SYNC: variants seen among roughly 807,000 people sequenced by gnomAD.
The protein encoded by SYNC is syncoilin, intermediate filament protein.
In SYNC, 38 loss-of-function variants were observed where a neutral mutation model predicts 49.5. That is an observed-to-expected ratio of 0.77 (90% confidence interval 0.59 to 1.01). The LOEUF is 1.01. Among genes scored for constraint, SYNC ranks in the 50% least tolerant of loss-of-function variants. SYNC has a pLI of 0.00. For synonymous variants in SYNC, 201 were observed against 230.8 expected (o/e 0.87, Z 1.17); for missense variants, 579 against 580.6 (o/e 1.00, Z 0.03).
rs146923439 is a variant in SYNC, at chr1:32,694,928, C to T, written c.1170G>A (p.Arg390=). The T allele has an allele frequency of 3.5e-4, 563 of 1,613,628 alleles. 2 individuals are homozygous for T. Among genetic ancestry groups the T allele is most frequent in the Non-Finnish European group, 4.6e-4 (547 of 1,179,938 alleles). The stretch of plus-strand genomic sequence containing the variant: ...CAAGTGCGATCTGGTCCTCCAGGTT[C>T]CTGTTTTGCAGGCGGAGCTGCCGGG... ...AEARQLRLQN[R]NLEDQIALVR... is the part of the protein sequence containing the mutation. The change falls in exon 2 of 5, where the codon AGG becomes AGA. Residue 390 remains arginine, a synonymous_variant. Transcript: ENST00000409190.
chr1:32,681,516 C>A lies in SYNC; in HGVS notation c.*334G>T. The A allele has an allele frequency of 2.9e-6, 1 of 345,046 alleles. No homozygotes were observed. The allele number at this position is 345,046 out of a possible 1,614,324, so 21.4% of individuals were successfully genotyped here. A position where few individuals can be genotyped will look rare whatever the true frequency, so the allele number is the denominator to read the frequency against. ...GCAAGATACATTCTTTAAAATACTC[C>A]CAGATGTGTCCATACATTCATCCTT... is the stretch of plus-strand genomic sequence containing the variant. On this transcript the variant is annotated 3_prime_UTR_variant, in exon 5 of 5. Coordinates refer to ENST00000409190, the MANE Select transcript of SYNC (RefSeq NM_030786.3).
chr1:32,697,666 G>A (rs1374516935), intron 1 of SYNC, among the ~76,000 whole-genome samples: 1 of 151,662 alleles, frequency 6.6e-6, no homozygotes, highest in Admixed American at 6.6e-5. Flanking sequence ...GAGCCTGGGA[G>A]GTCGAGGCTG....
chr1:32,696,179 G>C (rs2148560850), intron 1 of SYNC, 135 bp from the exon 2 acceptor site: 1 of 683,702 alleles, frequency 1.5e-6, no homozygotes, highest in East Asian at 2.7e-5. Flanking sequence ...CCTCCACTCT[G>C]TCAATCCACC....
At chr1:32,696,320 AT>A (rs564326114) in intron 1 of SYNC, among the ~76,000 whole-genome samples, 282 of 146,858 alleles carry the variant, frequency 1.9e-3, no homozygotes, top group African/African-American at 6.0e-3. Context: ...AATTATAATA[AT>A]TTTTTTTTTT....
rs1191815629 is a variant in SYNC at position 32,695,014 on chromosome 1, G to A, written c.1084C>T (p.Gln362Ter). 6.2e-7 allele frequency: 1 copy of A among 1,614,026 alleles called. No homozygotes were observed. Among genetic ancestry groups the A allele is most frequent in the East Asian group, 2.2e-5 (1 of 44,856 alleles). The change falls in exon 2 of 5, where the codon CAG becomes TAG. Residue 362 changes from glutamine (Q) to a stop codon, truncating the protein, a stop_gained. Transcript: ENST00000409190. LOFTEE classifies it high-confidence loss of function. ...ERKEAGTKAL[Q>*]RTQAEIQEMK... is the part of the protein sequence containing the mutation. ...TCCTGGATCTCAGCCTGGGTTCTCTGCAGAGCTTTGGTCCCAGCTTCTTTC... is the reference window on the plus strand; with the variant it reads ...TCCTGGATCTCAGCCTGGGTTCTCTACAGAGCTTTGGTCCCAGCTTCTTTC...
rs372285843 is a variant in SYNC at position 32,680,357 on chromosome 1, GT to G, written c.*1492del. The G allele has an allele frequency of 0.2, 172,220 of 876,096 alleles. 36 individuals carry two copies. Among genetic ancestry groups the G allele is most frequent in the Non-Finnish European group, 0.21 (152,644 of 717,188 alleles). The allele number at this position is 876,096 out of a possible 1,614,324, so 54.3% of individuals were successfully genotyped here. A position where few individuals can be genotyped will look rare whatever the true frequency, so the allele number is the denominator to read the frequency against. ...AATGGTGTTTTTTTTTTTGTTGTTGGTTTTTTTTTTTTTTTTTTTAACTTGG... is the reference window on the plus strand; with the variant it reads ...AATGGTGTTTTTTTTTTTGTTGTTGGTTTTTTTTTTTTTTTTTTAACTTGG... On this transcript the variant is annotated 3_prime_UTR_variant, in exon 5 of 5. Coordinates refer to ENST00000409190, the MANE Select transcript of SYNC (RefSeq NM_030786.3).
In SYNC at chr1:32,695,568, C is replaced by A; in HGVS notation, c.530G>T (p.Gly177Val). 6.4e-7 allele frequency: 1 copy of A among 1,551,472 alleles called. No homozygotes were observed. The highest frequency in any genetic ancestry group is 1.2e-5 in the South Asian group (1 of 84,028). The change falls in exon 2 of 5, where the codon GGG becomes GTG. Residue 177 changes from glycine to valine, a missense_variant. Physicochemically the swap from Gly to Val is moderately radical, Grantham distance 109. Transcript: ENST00000409190. Reference sequence around the variant, plus strand: ...AGCTTGGACACACTGCTGGAAACGCCCCTCTAGCAATTCCAGGTCCTCTAT... The same window carrying A: ...AGCTTGGACACACTGCTGGAAACGCACCTCTAGCAATTCCAGGTCCTCTAT... ...LSIEDLELLE[G>V]RFQQCVQAVA... is the part of the protein sequence containing the mutation.
intron 1 of SYNC, among the ~76,000 whole-genome samples, chr1:32,699,646 G>A (rs150976053): frequency 3.2e-4 from 48 of 151,806 alleles, no homozygotes; most frequent in Admixed American, 7.2e-4. Flanking sequence ...AACACAGAGT[G>A]AACTATTGCT....
intron 1 of SYNC, among the ~76,000 whole-genome samples, chr1:32,699,153 C>T (rs201332170): frequency 2.1e-4 from 22 of 104,026 alleles, no homozygotes; most frequent in East Asian, 3.0e-4. Context: ...CTTTTCTTTT[C>T]TTTTTTTTTT....
At chr1:32,700,630 G>T (rs1425652110) in intron 1 of SYNC, among the ~76,000 whole-genome samples, 1 of 152,186 alleles carries the variant, frequency 6.6e-6, no homozygotes, top group African/African-American at 2.4e-5. Context: ...CTGGGAGACA[G>T]AGGTTGCAGT....
rs775118910 is a variant in SYNC at position 32,684,421 on chromosome 1, CAA to C, written c.1234-41_1234-40del. 3.1e-6 allele frequency: 5 copies of C among 1,612,894 alleles called. No individual in the cohort carries two copies. The African/African-American group carries it at 6.7e-5, about 22-fold the overall frequency. The stretch of plus-strand genomic sequence containing the variant: ...CCAAGAACATTTCTAATGAGCCAAA[CAA>C]TAAAAACTCACATTGTCCACTCTTA... On this transcript the variant is annotated intron_variant, in intron 2 of 4. Coordinates refer to ENST00000409190, the MANE Select transcript of SYNC (RefSeq NM_030786.3).
chr1:32,696,378 G>A (rs1650428630), intron 1 of SYNC, among the ~76,000 whole-genome samples: 1 of 151,824 alleles, frequency 6.6e-6, no homozygotes, highest in Non-Finnish European at 1.5e-5. Context: ...GCAATAGCGT[G>A]ATGTCGGCTC....
In SYNC at chr1:32,695,505, T is replaced by A. The variant is rs554437078; in HGVS notation, c.593A>T (p.His198Leu). The A allele has an allele frequency of 1.3e-6, 2 of 1,551,474 alleles. No homozygotes were observed. The highest frequency in any genetic ancestry group is 1.7e-6 in the Non-Finnish European group (2 of 1,146,958). ...TGGTTCCCGGAGCAATACAAGCTCA[T>A]GGATGAGCTGATCCCTCTCCTCTTC... ...QLEEERDQLIHELVLLREPAL... is the reference protein window; with the variant it reads ...QLEEERDQLILELVLLREPAL... The change falls in exon 2 of 5, where the codon CAT (histidine) becomes CTT (leucine). Residue 198 changes from histidine (H) to leucine (L), a missense_variant. By Grantham distance (99) the His-to-Leu change is moderately conservative. Transcript: ENST00000409190.
At position 32,695,476 on chromosome 1, in the gene SYNC, G is replaced by C; in HGVS notation, c.622C>G (p.Leu208Val). 9 of 1,551,528 alleles carry C rather than the reference G, an allele frequency of 5.8e-6. No individual in the cohort carries two copies. The highest frequency in any genetic ancestry group is 7.0e-6 in the Non-Finnish European group (8 of 1,147,002). ...TGATGGACTTGCTGTACCTCCTGCA[G>C]GGCTGGTTCCCGGAGCAATACAAGC... ...HELVLLREPA[L>V]QEVQQVHQDI... is the part of the protein sequence containing the mutation. The change falls in exon 2 of 5, where the codon CTG becomes GTG. Residue 208 changes from leucine to valine, a missense_variant. Physicochemically the swap from Leu to Val is conservative, Grantham distance 32. Transcript: ENST00000409190.
chr1:32,692,169 TTGCAGTGAGCTGAGCGCCAC>T (rs1650199265), intron 2 of SYNC, among the ~76,000 whole-genome samples: 2 of 152,016 alleles, frequency 1.3e-5, no homozygotes, highest in South Asian at 4.2e-4. Flanking sequence ...GAGGCAGAGC[TTGCAGTGAGCTGAGCGCCAC>T]TGCACTCCAG....
intron 2 of SYNC, chr1:32,685,011 C>CTTT (rs552726162): frequency 6.8e-6 from 1 of 147,184 alleles, no homozygotes; most frequent in African/African-American, 2.7e-5. Flanking sequence ...TTCCTGCATC[C>CTTT]TTTTTTCTTC....
In SYNC at chr1:32,680,658, A is replaced by G. The variant is rs921513259; in HGVS notation, c.*1192T>C. The G allele has an allele frequency of 2.0e-6, 2 of 996,262 alleles. No individual in the cohort carries two copies. Among genetic ancestry groups the G allele is most frequent in the African/African-American group, 1.7e-5 (1 of 60,266 alleles). 61.7% of individuals were successfully genotyped at this position (996,262 alleles called of 1,614,324 possible). A position where few individuals can be genotyped will look rare whatever the true frequency, so the allele number is the denominator to read the frequency against. ...ATAAATTGCTTTTCTACATAACCCC[A>G]TGCTGATGGGTTTTATTTAGTATAA... is the stretch of plus-strand genomic sequence containing the variant. On this transcript the variant is annotated 3_prime_UTR_variant, in exon 5 of 5. Transcript: ENST00000409190.
chr1:32,681,581 A>G lies in SYNC; in HGVS notation c.*269T>C. ...GTGAGGGTTGTTGCTGGAAGACAGG[A>G]GGCTCATCTTTCCTTTCCTTGGTGC... is the stretch of plus-strand genomic sequence containing the variant. On this transcript the variant is annotated 3_prime_UTR_variant, in exon 5 of 5. Coordinates refer to ENST00000409190, the MANE Select transcript of SYNC (RefSeq NM_030786.3). The G allele has an allele frequency of 3.5e-6, 2 of 569,922 alleles. No individual in the cohort carries two copies. Among genetic ancestry groups the G allele is most frequent in the East Asian group, 2.9e-5 (1 of 34,146 alleles). The allele number at this position is 569,922 out of a possible 1,614,324, so 35.3% of individuals were successfully genotyped here. A position where few individuals can be genotyped will look rare whatever the true frequency, so the allele number is the denominator to read the frequency against.
chr1:32,681,857 G>A lies in SYNC; in HGVS notation c.1442C>T (p.Ala481Val). 1 of 1,614,100 alleles carries A rather than the reference G, an allele frequency of 6.2e-7. No homozygotes were observed. The highest frequency in any genetic ancestry group is 8.5e-7 in the Non-Finnish European group (1 of 1,179,974). Residue 481 changes from alanine (A) to valine (V), a missense_variant, in exon 5 of 5, where the codon GCT (alanine) becomes GTT (valine). Transcript: ENST00000409190. ...AGGMETQSQG[A>V]V ...AGATTTGGCCATATATTTCTAAACA[G>A]CCCCTGTAAAGTTGAAAGAAAAAGT...
Sources: allele counts gnomAD v4.1 joint callset (sites outside exome capture counted in the v4.1 genomes callset), GRCh38; gene constraint gnomAD v4.1.1; transcripts MANE v1.5; gene names NCBI Gene and HGNC (gene_info 2026-07-23, HGNC 2026-07-21).